NRG1: variants seen among roughly 807,000 people sequenced by gnomAD.
The protein encoded by NRG1 is neuregulin 1.
Under a neutral mutation model 63.8 loss-of-function variants are expected in NRG1, and 18 were observed. The ratio of observed to expected loss-of-function variants is 0.28; its 90% CI spans 0.19 to 0.42. The LOEUF is 0.42. Ranked by LOEUF, NRG1 falls within the 10% of genes least tolerant of loss-of-function variation. NRG1 has a pLI of 1.00. For missense variants in NRG1, 762 were observed against 814.7 expected (o/e 0.94, Z 0.79); for synonymous variants, 302 against 301.3 (o/e 1.00, Z -0.02).
Position 32,535,929 on chromosome 8 carries a change from G to C in NRG1, c.38-59899G>C, listed in dbSNP as rs534319724. 3.3e-5 allele frequency among the ~76,000 whole-genome samples: 5 copies of C among 152,108 alleles called. No individual in the cohort carries two copies. The South Asian group carries it at 1.0e-3, about 32-fold the overall frequency. The stretch of plus-strand genomic sequence containing the variant: ...CAGAGCTAAGAAGTAGCAGAGCAGA[G>C]ATCATTACCACACATTCCAAACTTT... On this transcript the variant is annotated intron_variant, in intron 1 of 10. Transcript: ENST00000519301.
intron 1 of NRG1, among the ~76,000 whole-genome samples, chr8:32,417,707 T>G (rs568749860): frequency 6.7e-6 from 1 of 149,102 alleles, no homozygotes; most frequent in East Asian, 2.0e-4. Flanking sequence ...TTCTCAAGAT[T>G]TGTTCTAGTC....
At chr8:31,933,921 G>A (rs1024049213) in intron 1 of NRG1, among the ~76,000 whole-genome samples, 2 of 152,048 alleles carry the variant, frequency 1.3e-5, no homozygotes, top group African/African-American at 4.8e-5. Flanking sequence ...CAAAACACCT[G>A]TGATGGAAAA....
At chr8:32,257,418 T>C (rs555858431) in intron 1 of NRG1, among the ~76,000 whole-genome samples, 2 of 152,362 alleles carry the variant, frequency 1.3e-5, no homozygotes, top group African/African-American at 4.8e-5. Context: ...TTGGAAAATA[T>C]AGAACTTTTC....
intron 5 of NRG1, among the ~76,000 whole-genome samples, chr8:32,624,112 C>T (rs1162607963): frequency 1.3e-5 from 2 of 152,132 alleles, no homozygotes; most frequent in East Asian, 1.9e-4. Flanking sequence ...AGGGACTTGA[C>T]GTTCAGAAAT....
At chr8:32,773,697 A>C in intron 7 of NRG1, among the ~76,000 whole-genome samples, 1 of 151,358 alleles carries the variant, frequency 6.6e-6, no homozygotes, top group Admixed American at 6.6e-5. Flanking sequence ...ACTTCCTTTC[A>C]CTCCCCTGGG....
chr8:32,578,961 A>C (rs1260368473), intron 1 of NRG1, among the ~76,000 whole-genome samples: 1 of 152,180 alleles, frequency 6.6e-6, no homozygotes, highest in Non-Finnish European at 1.5e-5. Context: ...GTTTTGCTTA[A>C]ATTTTTAGGT....
chr8:32,024,945 TA>T (rs1817013988), intron 1 of NRG1, among the ~76,000 whole-genome samples: 1 of 152,222 alleles, frequency 6.6e-6, no homozygotes, highest in Non-Finnish European at 1.5e-5. Flanking sequence ...GATATATCTG[TA>T]TCTATGTCTA....
intron 1 of NRG1, among the ~76,000 whole-genome samples, chr8:32,453,790 T>C (rs1380326614): frequency 6.6e-6 from 1 of 152,156 alleles, no homozygotes; most frequent in Non-Finnish European, 1.5e-5. Context: ...CAGGTTCCTT[T>C]TAACCCTGCT....
At chr8:31,762,815 G>A (rs557881358) in intron 1 of NRG1, among the ~76,000 whole-genome samples, 2 of 152,174 alleles carry the variant, frequency 1.3e-5, no homozygotes, top group Non-Finnish European at 2.9e-5. Context: ...GAAAATAATG[G>A]AGAAAAGAAC....
chr8:31,834,292 T>TGCGCACATGC (rs1554546939), intron 1 of NRG1, among the ~76,000 whole-genome samples: 2 of 19,208 alleles, frequency 1.0e-4, no homozygotes, highest in Admixed American at 8.0e-4. Flanking sequence ...CCTTCATGCG[T>TGCGCACATGC]GTGCGCGCAC....
intron 1 of NRG1, among the ~76,000 whole-genome samples, chr8:32,585,365 G>C (rs1280940736): frequency 6.6e-6 from 1 of 152,174 alleles, no homozygotes; most frequent in Admixed American, 6.6e-5. Flanking sequence ...ATGTCCGAGA[G>C]TGAGATGTTC....
At chr8:32,548,095 C>T (rs891982930), upstream of NRG1, 2 of 554,328 alleles carry the variant, frequency 3.6e-6, no homozygotes, top group Non-Finnish European at 4.6e-6. Context: ...CGCCACCCCC[C>T]GCCCGGCCAG....
chr8:32,099,797 T>G (rs2131347161), intron 1 of NRG1: 1 of 152,356 alleles, frequency 6.6e-6, no homozygotes. Context: ...AGATTGTGGT[T>G]AAATCTTAGC....
chr8:32,449,164 G>A (rs1180613500), intron 1 of NRG1, among the ~76,000 whole-genome samples: 2 of 152,010 alleles, frequency 1.3e-5, no homozygotes, highest in Non-Finnish European at 2.9e-5. Context: ...GGGCATGGTG[G>A]TGCATGCCTG....
intron 6 of NRG1, chr8:32,728,740 T>A: frequency 6.1e-6 from 5 of 820,650 alleles, no homozygotes; most frequent in Non-Finnish European, 7.4e-6. Context: ...GTCTTTCCAA[T>A]GACCTGAAGG....
In NRG1 at chr8:32,286,648, T is replaced by C. The variant is rs1244794976; in HGVS notation, c.38-309180T>C. Among the ~76,000 whole-genome samples the C allele has an allele frequency of 3.3e-5, 5 of 152,180 alleles. No individual in the cohort carries two copies. In the East Asian group the frequency reaches 5.8e-4, roughly 18 times the overall value. On this transcript the variant is annotated intron_variant, in intron 1 of 10. Transcript: ENST00000519301. ...GAACCTGGCACCTTCCTCTCCTCTC[T>C]TTCTTCCTTTCTGTCTGGCCATATG...
chr8:32,742,820 C>T lies in NRG1; in HGVS notation c.691+87C>T. ...TTGTTGCTGCATCTCCCCTCAGATT[C>T]CACCTAGAGCTAGATGTGTCTTACC... On this transcript the variant is annotated intron_variant, in intron 7 of 11. Coordinates refer to ENST00000356819, the Ensembl canonical transcript of NRG1. The surrounding 1 kb of genome is among the most constrained non-coding windows in gnomAD (Gnocchi z 4.2). 6.2e-7 allele frequency: 1 copy of T among 1,612,060 alleles called. No individual in the cohort carries two copies. Among genetic ancestry groups the T allele is most frequent in the Non-Finnish European group, 8.5e-7 (1 of 1,178,656 alleles).
intron 1 of NRG1, among the ~76,000 whole-genome samples, chr8:32,371,340 C>T (rs1808828201): frequency 6.6e-6 from 1 of 152,216 alleles, no homozygotes. Context: ...AAGGTCTTTC[C>T]CAGCTCAGCA....
intron 1 of NRG1, among the ~76,000 whole-genome samples, chr8:31,972,648 CTCA>C (rs959345736): frequency 2.1e-4 from 32 of 152,296 alleles, no homozygotes; most frequent in African/African-American, 6.5e-4. Context: ...GGCCTTTCAA[CTCA>C]TCCTTTTTAC....
Sources: allele counts gnomAD v4.1 joint callset (sites outside exome capture counted in the v4.1 genomes callset), GRCh38; gene constraint gnomAD v4.1.1; non-coding constraint Gnocchi (gnomAD v3.1); transcripts MANE v1.5; gene names NCBI Gene and HGNC (gene_info 2026-07-23, HGNC 2026-07-21).